LRBA: variants seen among roughly 807,000 people sequenced by gnomAD.
LRBA encodes LPS responsive beige-like anchor protein.
In LRBA, 176 loss-of-function variants were observed where a neutral mutation model predicts 330.0. The observed-to-expected ratio is 0.53, with a 90% CI of 0.47 to 0.60. The LOEUF is 0.60. Among genes scored for constraint, LRBA ranks in the 20% least tolerant of loss-of-function variants. The probability of loss-of-function intolerance (pLI) is 0.00; values close to 1 mark genes in which losing one functional copy is unlikely to be tolerated. For missense variants in LRBA, 3,259 were observed against 3,444.8 expected, an observed-to-expected ratio of 0.95 and a Z score of 1.35; for synonymous variants, 1,230 against 1,193.0, an observed-to-expected ratio of 1.03 and a Z score of -0.64.
At chr4:150,883,340 A>G (rs1009776838) in intron 17 of LRBA, among the ~76,000 whole-genome samples, 4 of 152,056 alleles carry the variant, frequency 2.6e-5, no homozygotes, top group Admixed American at 2.6e-4. Context: ...GGCGCCTGTA[A>G]TACCAGCTAC....
intron 48 of LRBA, among the ~76,000 whole-genome samples, chr4:150,332,588 G>T (rs1181471852): frequency 1.3e-5 from 2 of 152,146 alleles, no homozygotes; most frequent in African/African-American, 4.8e-5. Flanking sequence ...TAGGAGGGAT[G>T]CAGCTAAGAA....
chr4:150,583,091 A>G lies in LRBA; in HGVS notation c.6330+4957T>C. 1 of 1,614,092 alleles carries G rather than the reference A, an allele frequency of 6.2e-7. No homozygotes were observed. The highest frequency in any genetic ancestry group is 8.5e-7 in the Non-Finnish European group (1 of 1,179,972). ...AATAAGTACTACACTGAGCGCTGTC[A>G]GGCGCGCAAGGCGGCCATCGCCAAA... On this transcript the variant is annotated intron_variant, in intron 40 of 56. Transcript: ENST00000651943. This position sits in a 1 kb window ranked among gnomAD's most constrained non-coding sequence, Gnocchi z 9.8.
At chr4:150,591,865 A>T (rs1050306496) in intron 38 of LRBA, among the ~76,000 whole-genome samples, 1 of 152,136 alleles carries the variant, frequency 6.6e-6, no homozygotes, top group Non-Finnish European at 1.5e-5. Flanking sequence ...CCTGAAATTC[A>T]AAACTCTGAT....
intron 2 of LRBA, among the ~76,000 whole-genome samples, chr4:150,996,416 G>T (rs941269024): frequency 6.6e-6 from 1 of 152,020 alleles, no homozygotes; most frequent in Admixed American, 6.6e-5. Flanking sequence ...AGTAATACAG[G>T]TTAAGAATAA....
chr4:150,622,767 G>A (rs907613001), intron 37 of LRBA, among the ~76,000 whole-genome samples: 2 of 142,006 alleles, frequency 1.4e-5, no homozygotes, highest in Admixed American at 1.5e-4. Flanking sequence ...GCACTATCTC[G>A]GCTCACTGCA....
At chr4:150,315,480 A>C (rs577431789) in intron 51 of LRBA, 81 bp downstream of exon 51, 1 of 1,152,344 alleles carries the variant, frequency 8.7e-7, no homozygotes, top group Non-Finnish European at 1.3e-6. Flanking sequence ...GCAACCAGCA[A>C]GTGAAAAACA....
At position 150,461,025 on chromosome 4, in the gene LRBA, G is replaced by A. The variant is rs556490282; in HGVS notation, c.6780+6648C>T. Reference sequence around the variant, plus strand: ...CAAATGAATAAGCAGTAACACTGGGGATCCTCTAGTTTTAACCGAACATTC... The same window carrying A: ...CAAATGAATAAGCAGTAACACTGGGAATCCTCTAGTTTTAACCGAACATTC... On this transcript the variant is annotated intron_variant, in intron 44 of 56. Transcript: ENST00000651943. Among the ~76,000 whole-genome samples, 3 of 151,834 alleles carry A rather than the reference G, an allele frequency of 2.0e-5. No homozygotes were observed. In the South Asian group the frequency reaches 6.2e-4, roughly 32 times the overall value.
chr4:150,709,502 C>T (rs750990430), intron 36 of LRBA, among the ~76,000 whole-genome samples: 4 of 151,908 alleles, frequency 2.6e-5, no homozygotes, highest in Non-Finnish European at 5.9e-5. Flanking sequence ...CTTGGCCTTT[C>T]TCATGCATAA....
chr4:150,686,730 G>A (rs1047905535), intron 36 of LRBA, among the ~76,000 whole-genome samples: 1 of 152,038 alleles, frequency 6.6e-6, no homozygotes, highest in Non-Finnish European at 1.5e-5. Context: ...ACCGGTTTCT[G>A]AAATGCTATG....
intron 42 of LRBA, among the ~76,000 whole-genome samples, chr4:150,487,046 C>T (rs1467491107): frequency 1.1e-4 from 17 of 151,768 alleles, no homozygotes; most frequent in Admixed American, 5.9e-4. Flanking sequence ...CTGATGTACA[C>T]TTACGTTGAT....
rs76185767 is a variant in LRBA at position 150,608,959 on chromosome 4, T to C, written c.5922-9828A>G. 9.9e-3 allele frequency among the ~76,000 whole-genome samples: 1,509 copies of C among 152,378 alleles called. 22 individuals are homozygous for C. Among genetic ancestry groups the C allele is most frequent in the African/African-American group, 0.034 (1,423 of 41,584 alleles). On this transcript the variant is annotated intron_variant, in intron 37 of 56. Transcript: ENST00000651943. ...GCTCATTCTTTTTATTACTGAATGATATTTCATTGTGTAGATACGCTGCAT... is the reference window on the plus strand; with the variant it reads ...GCTCATTCTTTTTATTACTGAATGACATTTCATTGTGTAGATACGCTGCAT...
chr4:150,849,344 C>A, intron 25 of LRBA, 78 bp downstream of exon 25: 2 of 1,291,046 alleles, frequency 1.5e-6, no homozygotes, highest in South Asian at 2.6e-5. Flanking sequence ...TAGTAACCAC[C>A]ACATTTAAGT....
At chr4:150,505,182 T>G (rs966294192) in intron 40 of LRBA, among the ~76,000 whole-genome samples, 2 of 152,018 alleles carry the variant, frequency 1.3e-5, no homozygotes, top group African/African-American at 4.8e-5. Context: ...AGACAGAAAG[T>G]TAACAAGGAT....
intron 40 of LRBA, among the ~76,000 whole-genome samples, chr4:150,519,077 T>A (rs946078196): frequency 2.0e-5 from 3 of 152,146 alleles, no homozygotes; most frequent in African/African-American, 7.2e-5. Context: ...ATAATTCATA[T>A]CAAAATAGCA....
chr4:150,963,996 C>T (rs1738549437), intron 2 of LRBA, among the ~76,000 whole-genome samples: 1 of 148,030 alleles, frequency 6.8e-6, no homozygotes, highest in Non-Finnish European at 1.5e-5. Context: ...TGCCGCCACC[C>T]CTTCTGGGAG....
Position 150,772,837 on chromosome 4 carries a change from A to G in LRBA, c.5581-10990T>C, listed in dbSNP as rs137882099. Among the ~76,000 whole-genome samples the G allele has an allele frequency of 3.4e-3, 515 of 152,260 alleles. 2 individuals are homozygous for G. The highest frequency in any genetic ancestry group is 0.012 in the African/African-American group (490 of 41,544). On this transcript the variant is annotated intron_variant, in intron 34 of 56. Transcript: ENST00000651943. ...CCTTCTCTTGTTCTGAGTTCTACTCAGAACTATCAGCTTTTCAGGTAACTC... is the reference window on the plus strand; with the variant it reads ...CCTTCTCTTGTTCTGAGTTCTACTCGGAACTATCAGCTTTTCAGGTAACTC...
intron 17 of LRBA, among the ~76,000 whole-genome samples, chr4:150,890,981 C>G (rs540426610): frequency 6.6e-6 from 1 of 152,082 alleles, no homozygotes; most frequent in Non-Finnish European, 1.5e-5. Context: ...CACACAAATA[C>G]AGGTTATATC....
chr4:150,534,340 T>TATAATAATAATA (rs36206816), intron 40 of LRBA, among the ~76,000 whole-genome samples: 3 of 143,770 alleles, frequency 2.1e-5, no homozygotes, highest in Admixed American at 7.0e-5. Context: ...AAACTTGAAG[T>TATAATAATAATA]ATAATAATAA....
intron 40 of LRBA, chr4:150,584,170 T>A (rs13105060): frequency 0.87 from 1,274,803 of 1,465,848 alleles, 569,211 homozygotes; most frequent in Non-Finnish European, 0.92. Context: ...CACACAACTC[T>A]GCTATAAACA....
Sources: allele counts gnomAD v4.1 joint callset (sites outside exome capture counted in the v4.1 genomes callset), GRCh38; gene constraint gnomAD v4.1.1; non-coding constraint Gnocchi (gnomAD v3.1); transcripts MANE v1.5; gene names NCBI Gene and HGNC (gene_info 2026-07-23, HGNC 2026-07-21).